The following SLC24A3 variants were observed in gnomAD, a reference collection of about 807,000 sequenced individuals.
The protein encoded by SLC24A3 is sodium/potassium/calcium exchanger 3.
Under a neutral mutation model 75.8 loss-of-function variants are expected in SLC24A3, and 28 were observed. That is an observed-to-expected ratio of 0.37 (90% CI 0.27 to 0.51). The LOEUF is 0.51. SLC24A3 is among the 20% of genes least tolerant of loss of function. SLC24A3 has a pLI of 0.94. For missense variants in SLC24A3, 663 were observed against 847.8 expected, an observed-to-expected ratio of 0.78 and a Z score of 2.71; for synonymous variants, 372 against 334.1, an observed-to-expected ratio of 1.11 and a Z score of -1.24.
At chr20:19,671,308 CATGGAGACAG>C (rs2032464237) in intron 8 of SLC24A3, among the ~76,000 whole-genome samples, 1 of 152,140 alleles carries the variant, frequency 6.6e-6, no homozygotes. Context: ...CACAAGACAA[CATGGAGACAG>C]AAGAAAAGGC....
chr20:19,599,834 T>C (rs1770589042), intron 6 of SLC24A3, among the ~76,000 whole-genome samples: 1 of 152,140 alleles, frequency 6.6e-6, no homozygotes, highest in Admixed American at 6.5e-5. Flanking sequence ...CCCATCCTGT[T>C]CCTGGCATCT....
At chr20:19,434,013 A>C (rs926473410) in intron 2 of SLC24A3, among the ~76,000 whole-genome samples, 1 of 152,160 alleles carries the variant, frequency 6.6e-6, no homozygotes, top group Non-Finnish European at 1.5e-5. Flanking sequence ...GTTGCTCCCT[A>C]TCTCTAGGAG....
At chr20:19,464,493 G>A (rs990235487) in intron 2 of SLC24A3, among the ~76,000 whole-genome samples, 1 of 152,266 alleles carries the variant, frequency 6.6e-6, no homozygotes, top group African/African-American at 2.4e-5. Flanking sequence ...GAGAGCTAGA[G>A]TCAATTGGGT....
At chr20:19,346,157 G>GAT (rs1985404109) in intron 2 of SLC24A3, among the ~76,000 whole-genome samples, 1 of 45,918 alleles carries the variant, frequency 2.2e-5, no homozygotes, top group Non-Finnish European at 3.8e-5. Context: ...ATATATATAT[G>GAT]GTGTATATAT....
At chr20:19,633,125 ATAT>A (rs1047779865) in intron 6 of SLC24A3, among the ~76,000 whole-genome samples, 3 of 152,250 alleles carry the variant, frequency 2.0e-5, no homozygotes, top group Admixed American at 6.5e-5. Flanking sequence ...TTTATGTAGC[ATAT>A]TCTTAGTCAG....
At chr20:19,591,190 C>A (rs2031371672) in intron 6 of SLC24A3, among the ~76,000 whole-genome samples, 1 of 152,182 alleles carries the variant, frequency 6.6e-6, no homozygotes, top group Non-Finnish European at 1.5e-5. Flanking sequence ...CACCCCAGAT[C>A]TCTGTGTTAG....
At position 19,397,647 on chromosome 20, in the gene SLC24A3, CTTT is replaced by C. The variant is rs3057518; in HGVS notation, c.271+116578_271+116580del. Among the ~76,000 whole-genome samples the C allele has an allele frequency of 6.6e-3, 772 of 117,110 alleles. 3 individuals are homozygous for C. The highest frequency in any genetic ancestry group is 0.038 in the Middle Eastern group (8 of 212). The allele number at this position is 117,110 out of a possible 152,430, so 76.8% of individuals were successfully genotyped here. ...AAAGGTTGTGCTTTTTTTTTCTTTT[CTTT>C]TTTTTTTTTTTTTTTTTGAGTGGTA... is the stretch of plus-strand genomic sequence containing the variant. On this transcript the variant is annotated intron_variant, in intron 2 of 16. Coordinates refer to ENST00000328041, the MANE Select transcript of SLC24A3 (RefSeq NM_020689.4).
At chr20:19,525,461 C>T (rs375686691) in intron 3 of SLC24A3, among the ~76,000 whole-genome samples, 256 of 152,196 alleles carry the variant, frequency 1.7e-3, no homozygotes, top group African/African-American at 5.7e-3. Flanking sequence ...GAGCCAGTGA[C>T]GGCTGGGGAG....
chr20:19,550,758 C>T (rs1287005814), intron 3 of SLC24A3, among the ~76,000 whole-genome samples: 1 of 152,036 alleles, frequency 6.6e-6, no homozygotes, highest in Non-Finnish European at 1.5e-5. Context: ...CCTTGAAGGC[C>T]GTGACCCATT....
chr20:19,370,217 G>A (rs1985968100), intron 2 of SLC24A3, among the ~76,000 whole-genome samples: 1 of 152,148 alleles, frequency 6.6e-6, no homozygotes, highest in South Asian at 2.1e-4. Flanking sequence ...CCTGATCTAA[G>A]CATATTAATT....
intron 2 of SLC24A3, among the ~76,000 whole-genome samples, chr20:19,334,190 A>G (rs6112316): frequency 0.038 from 5,723 of 152,272 alleles, 359 homozygotes; most frequent in African/African-American, 0.13. Flanking sequence ...GTTATTGGCC[A>G]AAGGTCCTGA....
intron 2 of SLC24A3, among the ~76,000 whole-genome samples, chr20:19,429,122 G>A (rs1173626526): frequency 1.3e-5 from 2 of 152,204 alleles, no homozygotes; most frequent in Non-Finnish European, 2.9e-5. Context: ...TTTCTCTGAA[G>A]GTTACTAAAT....
intron 1 of SLC24A3, among the ~76,000 whole-genome samples, chr20:19,233,860 G>A (rs1403110945): frequency 1.3e-5 from 2 of 152,254 alleles, no homozygotes; most frequent in Admixed American, 1.3e-4. Context: ...GTTCTCTTCT[G>A]TTCTCAGTTT....
At chr20:19,559,496 T>C (rs763851519) in intron 3 of SLC24A3, among the ~76,000 whole-genome samples, 6 of 152,162 alleles carry the variant, frequency 3.9e-5, no homozygotes, top group Non-Finnish European at 8.8e-5. Context: ...GTGGCTCATT[T>C]TATCAATCTT....
chr20:19,469,691 C>G (rs1987833483), intron 2 of SLC24A3, among the ~76,000 whole-genome samples: 1 of 152,190 alleles, frequency 6.6e-6, no homozygotes, highest in Non-Finnish European at 1.5e-5. Flanking sequence ...AGTCAATGTA[C>G]TTCTTGGCTT....
intron 2 of SLC24A3, among the ~76,000 whole-genome samples, chr20:19,430,807 GACACACATGCACGTGC>G (rs1568615947): frequency 6.6e-6 from 1 of 151,748 alleles, no homozygotes; most frequent in Non-Finnish European, 1.5e-5. Context: ...TGCACTCATG[GACACACATGCACGTGC>G]ACACACATGC....
At chr20:19,424,236 G>A (rs1600475391) in intron 2 of SLC24A3, among the ~76,000 whole-genome samples, 2 of 152,006 alleles carry the variant, frequency 1.3e-5, no homozygotes, top group African/African-American at 2.4e-5. Flanking sequence ...ATTTTGAAAC[G>A]TACAAATCTA....
intron 3 of SLC24A3, among the ~76,000 whole-genome samples, chr20:19,560,893 C>T (rs2030864672): frequency 6.6e-6 from 1 of 152,124 alleles, no homozygotes; most frequent in Non-Finnish European, 1.5e-5. Flanking sequence ...TTAATAGAAT[C>T]CAAACAAATA....
At chr20:19,328,614 T>C (rs185750935) in intron 2 of SLC24A3, among the ~76,000 whole-genome samples, 1 of 152,228 alleles carries the variant, frequency 6.6e-6, no homozygotes, top group Non-Finnish European at 1.5e-5. Flanking sequence ...ATTCCTGGCC[T>C]GAGCAGTTGT....
Sources: allele counts gnomAD v4.1 joint callset (sites outside exome capture counted in the v4.1 genomes callset), GRCh38; gene constraint gnomAD v4.1.1; transcripts MANE v1.5; gene names NCBI Gene and HGNC (gene_info 2026-07-23, HGNC 2026-07-21).